The following EPB41L4A variants were observed in gnomAD, a reference collection of about 807,000 sequenced individuals.
EPB41L4A encodes the protein band 4.1-like protein 4A.
Under a neutral mutation model 108.6 loss-of-function variants are expected in EPB41L4A, and 100 were observed. That is an observed-to-expected ratio of 0.92 (90% confidence interval 0.78 to 1.09). EPB41L4A has a LOEUF of 1.09. Ranked by LOEUF, EPB41L4A falls within the 50% of genes least tolerant of loss-of-function variation. The pLI, the probability that EPB41L4A is intolerant of heterozygous loss-of-function variation, is 0.00. For missense variants in EPB41L4A, 1,030 were observed against 842.7 expected, an observed-to-expected ratio of 1.22 and a Z score of -2.75; for synonymous variants, 319 against 289.0, an observed-to-expected ratio of 1.10 and a Z score of -1.05.
chr5:112,179,541 T>G (rs1761041843), intron 18 of EPB41L4A, among the ~76,000 whole-genome samples: 1 of 152,160 alleles, frequency 6.6e-6, no homozygotes, highest in African/African-American at 2.4e-5. Flanking sequence ...TGAATCCATT[T>G]AATTCCTCCA....
chr5:112,363,185 G>C (rs200456529), intron 1 of EPB41L4A, among the ~76,000 whole-genome samples: 8 of 152,152 alleles, frequency 5.3e-5, no homozygotes, highest in African/African-American at 1.7e-4. Flanking sequence ...CTAATCAAAG[G>C]AGGTTCTGCA....
intron 18 of EPB41L4A, among the ~76,000 whole-genome samples, chr5:112,180,499 C>A (rs1761092063): frequency 6.6e-6 from 1 of 152,046 alleles, no homozygotes; most frequent in African/African-American, 2.4e-5. Flanking sequence ...ACTGGATAGA[C>A]TACAGGAAAA....
At chr5:112,145,488 C>T (rs903770345) in intron 13 of EPB41L4A, among the ~76,000 whole-genome samples, 5 of 152,206 alleles carry the variant, frequency 3.3e-5, no homozygotes, top group African/African-American at 4.8e-5. Context: ...ACTCTGCTGA[C>T]AGCCATTGTA....
intron 1 of EPB41L4A, among the ~76,000 whole-genome samples, chr5:112,347,480 C>T (rs1254666571): frequency 1.9e-4 from 29 of 152,108 alleles, no homozygotes; most frequent in Admixed American, 1.8e-3. Flanking sequence ...TTTTTCACTC[C>T]CCCACAATTC....
At chr5:112,300,986 T>C (rs1754318378) in intron 2 of EPB41L4A, among the ~76,000 whole-genome samples, 1 of 152,164 alleles carries the variant, frequency 6.6e-6, no homozygotes, top group Non-Finnish European at 1.5e-5. Flanking sequence ...GTCCTTTATT[T>C]TCTGAAGTTG....
intron 14 of EPB41L4A, among the ~76,000 whole-genome samples, chr5:112,204,998 T>C (rs1425516494): frequency 6.6e-6 from 1 of 152,190 alleles, no homozygotes; most frequent in African/African-American, 2.4e-5. Flanking sequence ...ACTGGTTTGG[T>C]AGTTGTGACC....
intron 1 of EPB41L4A, among the ~76,000 whole-genome samples, chr5:112,394,910 G>A (rs78319180): frequency 0.73 from 110,458 of 151,452 alleles, 40,839 homozygotes; most frequent in African/African-American, 0.82. Flanking sequence ...TAGACCAATG[G>A]AACAGAACAG....
intron 5 of EPB41L4A, among the ~76,000 whole-genome samples, chr5:112,265,293 T>G (rs376467773): frequency 1.3e-5 from 2 of 152,340 alleles, no homozygotes. Flanking sequence ...ACAACGTATG[T>G]GAAGTAAAAT....
At chr5:112,315,311 T>C (rs1358914148) in intron 1 of EPB41L4A, among the ~76,000 whole-genome samples, 6 of 152,236 alleles carry the variant, frequency 3.9e-5, no homozygotes, top group African/African-American at 9.7e-5. Flanking sequence ...CTGTTAACTT[T>C]CCTACTTATG....
chr5:112,322,961 T>C (rs1755900784), intron 1 of EPB41L4A, among the ~76,000 whole-genome samples: 1 of 125,910 alleles, frequency 7.9e-6, no homozygotes, highest in Non-Finnish European at 1.8e-5. Context: ...TAATGGGGAC[T>C]TTCAAGAAGA....
intron 18 of EPB41L4A, among the ~76,000 whole-genome samples, chr5:112,179,907 G>A (rs547233321): frequency 4.6e-5 from 7 of 152,180 alleles, no homozygotes; most frequent in African/African-American, 7.2e-5. Context: ...GCAGAAAATC[G>A]TAAGAAACTG....
intron 1 of EPB41L4A, among the ~76,000 whole-genome samples, chr5:112,399,555 C>A (rs1432101250): frequency 6.6e-6 from 1 of 152,112 alleles, no homozygotes; most frequent in Non-Finnish European, 1.5e-5. Flanking sequence ...TTTTTCTCTA[C>A]TCCACTTCCA....
At chr5:112,152,578 A>G (rs1759509317) in intron 12 of EPB41L4A, among the ~76,000 whole-genome samples, 1 of 152,210 alleles carries the variant, frequency 6.6e-6, no homozygotes, top group Non-Finnish European at 1.5e-5. Context: ...GGCCCTCACC[A>G]AACACTGTGG....
chr5:112,334,862 C>A (rs1756815825), intron 1 of EPB41L4A, among the ~76,000 whole-genome samples: 1 of 152,162 alleles, frequency 6.6e-6, no homozygotes, highest in East Asian at 1.9e-4. Context: ...TTTTGGATTA[C>A]AACAGTGAGT....
chr5:112,267,334 A>G (rs1751933082), intron 4 of EPB41L4A, among the ~76,000 whole-genome samples: 1 of 152,226 alleles, frequency 6.6e-6, no homozygotes, highest in African/African-American at 2.4e-5. Context: ...ATAATCAGCT[A>G]TATTAAATAT....
chr5:112,170,073 T>C, intron 20 of EPB41L4A: 1 of 525,842 alleles, frequency 1.9e-6, no homozygotes, highest in Non-Finnish European at 3.3e-6. Context: ...AAAAGCCCCC[T>C]TGTACCTACC....
In EPB41L4A at chr5:112,169,002, C is replaced by A; in HGVS notation, c.1843G>T (p.Glu615Ter). ...CSDGERSVLS[E>*]VNSKTDLVPP... is the part of the protein sequence containing the mutation. ...TCTGGCCTGCCCACTTACTTCACTT[C>A]CGAGAGAACTGATCGCTCCCCATCT... The change falls in exon 21 of 23, where the codon GAA becomes TAA. Residue 615 changes from glutamate to a stop codon, truncating the protein, a stop_gained. Transcript: ENST00000261486. LOFTEE classifies it high-confidence loss of function. The A allele has an allele frequency of 6.2e-7, 1 of 1,612,884 alleles. No homozygotes were observed. Among genetic ancestry groups the A allele is most frequent in the Non-Finnish European group, 8.5e-7 (1 of 1,178,856 alleles).
chr5:112,398,542 C>T (rs985489106), intron 1 of EPB41L4A, among the ~76,000 whole-genome samples: 2 of 152,270 alleles, frequency 1.3e-5, no homozygotes, highest in African/African-American at 2.4e-5. Context: ...GCATGCACCA[C>T]CACACCCGCT....
chr5:112,197,187 TAAAC>T (rs1411998270), intron 15 of EPB41L4A, among the ~76,000 whole-genome samples: 1 of 152,198 alleles, frequency 6.6e-6, no homozygotes, highest in Non-Finnish European at 1.5e-5. Flanking sequence ...CTCTACTGTT[TAAAC>T]AAACATAGAC....
Sources: allele counts gnomAD v4.1 joint callset (sites outside exome capture counted in the v4.1 genomes callset), GRCh38; gene constraint gnomAD v4.1.1; transcripts MANE v1.5; gene names NCBI Gene and HGNC (gene_info 2026-07-23, HGNC 2026-07-21).